The following CCNH variants were observed in gnomAD, a reference collection of about 807,000 sequenced individuals.
The protein encoded by CCNH is cyclin H.
A neutral mutation model predicts 41.9 loss-of-function variants in CCNH; 31 were observed. That is an observed-to-expected ratio of 0.74 (90% CI 0.56 to 1.00). CCNH has a LOEUF of 1.00. CCNH is among the 50% of genes least tolerant of loss of function. The pLI, the probability that CCNH is intolerant of heterozygous loss-of-function variation, is 0.00. For missense variants in CCNH, 362 were observed against 388.4 expected (o/e 0.93, Z 0.57); for synonymous variants, 138 against 136.1 (o/e 1.01, Z -0.10).
downstream of CCNH, chr5:87,391,525 G>A (rs188859950): frequency 8.0e-4 from 190 of 237,040 alleles, no homozygotes; most frequent in African/African-American, 3.7e-3. Flanking sequence ...TTAAACATAC[G>A]ACTTATTTTG....
At chr5:87,386,298 G>A (rs1370424039) in intron 9 of CCNH, among the ~76,000 whole-genome samples, 1 of 152,028 alleles carries the variant, frequency 6.6e-6, no homozygotes, top group Non-Finnish European at 1.5e-5. Context: ...GTTTTAAGTA[G>A]TCAGGATTTT....
downstream of CCNH, among the ~76,000 whole-genome samples, chr5:87,390,501 T>A (rs1001406057): frequency 8.5e-5 from 13 of 152,078 alleles, no homozygotes; most frequent in African/African-American, 2.9e-4. Flanking sequence ...AAGCCTTTTT[T>A]AAAAGAGAGA....
intron 9 of CCNH, among the ~76,000 whole-genome samples, chr5:87,330,143 A>G (rs1366839378): frequency 3.3e-5 from 5 of 152,164 alleles, no homozygotes; most frequent in African/African-American, 1.2e-4. Flanking sequence ...ATAGGGCTCT[A>G]AATAAATAGC....
At chr5:87,381,963 T>A (rs1406339850), upstream of CCNH, among the ~76,000 whole-genome samples, 1 of 152,178 alleles carries the variant, frequency 6.6e-6, no homozygotes, top group Non-Finnish European at 1.5e-5. Flanking sequence ...TTAATTGTTA[T>A]TTTTTTGAGA....
At chr5:87,312,291 TAAGG>T in the CCNH span, among the ~76,000 whole-genome samples, 1 of 152,224 alleles carries the variant, frequency 6.6e-6, no homozygotes, top group African/African-American at 2.4e-5. Context: ...CAGAAACAGA[TAAGG>T]AAATCTGTCT....
chr5:87,412,343 C>T (rs760921263), intron 1 of CCNH: 4 of 979,992 alleles, frequency 4.1e-6, no homozygotes, highest in Non-Finnish European at 5.0e-6. Context: ...TTCCCATTTT[C>T]TCCGCATTGG....
chr5:87,399,821 A>T (rs1361989943), intron 6 of CCNH, among the ~76,000 whole-genome samples: 1 of 152,156 alleles, frequency 6.6e-6, no homozygotes, highest in African/African-American at 2.4e-5. Flanking sequence ...TAAAAAAAAA[A>T]TCCCTAAATG....
intron 9 of CCNH, among the ~76,000 whole-genome samples, chr5:87,370,615 G>A (rs1286628801): frequency 6.6e-6 from 1 of 152,116 alleles, no homozygotes; most frequent in Admixed American, 6.6e-5. Context: ...GAGTAAGATC[G>A]AGACACTGTA....
intron 9 of CCNH, among the ~76,000 whole-genome samples, chr5:87,360,882 T>G (rs1760037122): frequency 6.6e-6 from 1 of 152,222 alleles, no homozygotes; most frequent in African/African-American, 2.4e-5. Flanking sequence ...TGGATCAGTT[T>G]TTTTCTCTTT....
intron 9 of CCNH, among the ~76,000 whole-genome samples, chr5:87,327,932 A>G (rs1311383452): frequency 1.3e-5 from 2 of 151,316 alleles, no homozygotes; most frequent in African/African-American, 2.4e-5. Flanking sequence ...ATGGCACTGC[A>G]CCCCAACCTG....
chr5:87,343,660 GA>G, intron 9 of CCNH, among the ~76,000 whole-genome samples: 1 of 152,086 alleles, frequency 6.6e-6, no homozygotes, highest in East Asian at 1.9e-4. Context: ...GCACAGCATG[GA>G]AGTTCTTCAA....
intron 9 of CCNH, among the ~76,000 whole-genome samples, chr5:87,326,688 A>G (rs776730732): frequency 6.6e-6 from 1 of 152,146 alleles, no homozygotes. Context: ...CAACACCCAA[A>G]ATATACACAC....
At chr5:87,331,979 A>G (rs938385340) in intron 9 of CCNH, among the ~76,000 whole-genome samples, 2 of 152,114 alleles carry the variant, frequency 1.3e-5, no homozygotes, top group Non-Finnish European at 2.9e-5. Context: ...CCCATATTGT[A>G]TTGTTTCATT....
At chr5:87,376,863 TTTAA>T in exon 1 of CCNH, 2 of 1,579,900 alleles carry the variant, frequency 1.3e-6, no homozygotes, top group South Asian at 2.2e-5. Flanking sequence ...TAAACAATCT[TTTAA>T]AATGTCATTT....
chr5:87,313,102 AGATATTATGG>A, the CCNH span, among the ~76,000 whole-genome samples: 6 of 152,326 alleles, frequency 3.9e-5, no homozygotes, highest in East Asian at 1.2e-3. Context: ...TATGGACTGC[AGATATTATGG>A]GAGTTCAGAG....
At chr5:87,353,034 GTGT>G (rs1413671665) in intron 9 of CCNH, 2 of 684,594 alleles carry the variant, frequency 2.9e-6, no homozygotes, top group Non-Finnish European at 5.3e-6. Context: ...TAATGTATTT[GTGT>G]TATGTGCTTT....
chr5:87,388,750 G>A (rs987452346), downstream of CCNH, among the ~76,000 whole-genome samples: 2 of 152,136 alleles, frequency 1.3e-5, no homozygotes, highest in African/African-American at 4.8e-5. Flanking sequence ...TCATAGTGCA[G>A]TTCCTACTTA....
downstream of CCNH, chr5:87,392,074 T>C: frequency 3.1e-6 from 1 of 327,364 alleles, no homozygotes; most frequent in Non-Finnish European, 6.0e-6. Context: ...AAAAGGATTT[T>C]ATAAATGCAA....
chr5:87,376,815 G>A, exon 1 of CCNH: 1 of 1,461,078 alleles, frequency 6.8e-7, no homozygotes, highest in South Asian at 1.2e-5. Context: ...CATATTTCTT[G>A]TTAGTCTCAT....
Sources: gnomAD v4.1 joint callset for allele counts (sites outside exome capture counted in the v4.1 genomes callset) on GRCh38, gnomAD v4.1.1 for gene constraint, MANE v1.5 for transcripts, NCBI Gene and HGNC (gene_info 2026-07-23, HGNC 2026-07-21) for gene names.